Variants in NOS1AP observed in about 807,000 individuals in gnomAD.
NOS1AP encodes the protein carboxyl-terminal PDZ ligand of neuronal nitric oxide synthase protein.
NOS1AP carries 21 observed loss-of-function variants against 56.2 expected under a neutral mutation model. The observed-to-expected ratio is 0.37, with a 90% confidence interval of 0.26 to 0.54. NOS1AP has a LOEUF of 0.54. Among genes scored for constraint, NOS1AP ranks in the 20% least tolerant of loss-of-function variants. The probability of loss-of-function intolerance (pLI) is 0.84; values close to 1 mark genes in which losing one functional copy is unlikely to be tolerated. For missense variants in NOS1AP, 522 were observed against 657.8 expected (o/e 0.79, Z 2.26); for synonymous variants, 270 against 274.6 (o/e 0.98, Z 0.17).
At chr1:162,172,629 C>T (rs1211641604) in intron 2 of NOS1AP, among the ~76,000 whole-genome samples, 3 of 152,180 alleles carry the variant, frequency 2.0e-5, no homozygotes, top group Non-Finnish European at 2.9e-5. Flanking sequence ...TCATATATCA[C>T]TATTTTCTGT....
At chr1:162,255,369 T>C (rs1378889124) in intron 2 of NOS1AP, among the ~76,000 whole-genome samples, 1 of 152,168 alleles carries the variant, frequency 6.6e-6, no homozygotes, top group African/African-American at 2.4e-5. Flanking sequence ...TTCAGTGTCC[T>C]AGACTCTTCC....
At chr1:162,315,593 G>A (rs1348495719) in intron 4 of NOS1AP, among the ~76,000 whole-genome samples, 1 of 152,178 alleles carries the variant, frequency 6.6e-6, no homozygotes, top group Non-Finnish European at 1.5e-5. Context: ...TGGGAAAGAT[G>A]GAGTGGAAAA....
intron 1 of NOS1AP, among the ~76,000 whole-genome samples, chr1:162,114,091 T>A (rs964878025): frequency 1.3e-5 from 2 of 152,180 alleles, no homozygotes; most frequent in African/African-American, 4.8e-5. Flanking sequence ...GCACAGTGTT[T>A]GGATTATAAA....
At chr1:162,300,954 T>A (rs1655632018) in intron 4 of NOS1AP, among the ~76,000 whole-genome samples, 1 of 152,196 alleles carries the variant, frequency 6.6e-6, no homozygotes, top group Non-Finnish European at 1.5e-5. Flanking sequence ...AACCTCTCGG[T>A]TGTAATTGGA....
intron 1 of NOS1AP, among the ~76,000 whole-genome samples, chr1:162,117,349 T>G (rs1648007487): frequency 6.6e-6 from 1 of 152,196 alleles, no homozygotes; most frequent in South Asian, 2.1e-4. Flanking sequence ...GTCTGACACT[T>G]TAGTCTGACT....
At chr1:162,089,208 C>G (rs1375399808) in intron 1 of NOS1AP, among the ~76,000 whole-genome samples, 1 of 152,192 alleles carries the variant, frequency 6.6e-6, no homozygotes, top group Admixed American at 6.5e-5. Context: ...TGTAAACATA[C>G]TTGTGTGTTC....
chr1:162,331,156 C>G (rs1387880461), intron 4 of NOS1AP, among the ~76,000 whole-genome samples: 1 of 152,094 alleles, frequency 6.6e-6, no homozygotes, highest in Non-Finnish European at 1.5e-5. Context: ...GTTAGGAAGA[C>G]AGTTTGACAT....
chr1:162,261,509 A>AGAG (rs1654224520), intron 2 of NOS1AP, among the ~76,000 whole-genome samples: 2 of 15,140 alleles, frequency 1.3e-4, no homozygotes, highest in Non-Finnish European at 1.6e-4. Flanking sequence ...AGAGAGAGAG[A>AGAG]GAGAGAGAGA....
At chr1:162,270,169 A>T (rs1222856132) in intron 2 of NOS1AP, among the ~76,000 whole-genome samples, 1 of 152,184 alleles carries the variant, frequency 6.6e-6, no homozygotes, top group Non-Finnish European at 1.5e-5. Context: ...GCCTGGTATC[A>T]TAGTTACTTG....
Position 162,151,337 on chromosome 1 carries a change from C to T in NOS1AP, c.106-3068C>T, listed in dbSNP as rs764880599. ...TTGGTCTATGTGTCTGTTTTTATGC[C>T]AGTACCATGCTGTTTTGGTTACATG... On this transcript the variant is annotated intron_variant, in intron 1 of 9. Transcript: ENST00000361897. Among the ~76,000 whole-genome samples the T allele has an allele frequency of 9.2e-5, 14 of 152,122 alleles. 1 individual carries two copies. Among genetic ancestry groups the T allele is most frequent in the Admixed American group, 2.6e-4 (4 of 15,266 alleles).
At chr1:162,261,760 G>A (rs1368684567) in intron 2 of NOS1AP, among the ~76,000 whole-genome samples, 1 of 152,130 alleles carries the variant, frequency 6.6e-6, no homozygotes, top group Non-Finnish European at 1.5e-5. Context: ...ATAAGTTTGT[G>A]TTATTTTTAA....
chr1:162,101,878 A>T (rs937926105), intron 1 of NOS1AP, among the ~76,000 whole-genome samples: 1 of 152,180 alleles, frequency 6.6e-6, no homozygotes, highest in African/African-American at 2.4e-5. Flanking sequence ...GGATCATGTC[A>T]TCTGCAAACA....
At chr1:162,235,219 G>A (rs1653250417) in intron 2 of NOS1AP, among the ~76,000 whole-genome samples, 1 of 152,078 alleles carries the variant, frequency 6.6e-6, no homozygotes. Context: ...CCATAGAAGG[G>A]TTCACTCAGC....
chr1:162,141,730 A>T lies in NOS1AP; in HGVS notation c.106-12675A>T, dbSNP rs183944498. 3.9e-3 allele frequency among the ~76,000 whole-genome samples: 598 copies of T among 152,196 alleles called. 5 individuals carry two copies. Among genetic ancestry groups the T allele is most frequent in the African/African-American group, 0.014 (567 of 41,502 alleles). ...CGGGACTTAATTTCTCAGACTTTCTACTTCCCTTTAGCTTACTTGGATTAC... is the reference window on the plus strand; with the variant it reads ...CGGGACTTAATTTCTCAGACTTTCTTCTTCCCTTTAGCTTACTTGGATTAC... On this transcript the variant is annotated intron_variant, in intron 1 of 9. Transcript: ENST00000361897.
At chr1:162,183,420 T>C (rs1651327965) in intron 2 of NOS1AP, among the ~76,000 whole-genome samples, 1 of 152,198 alleles carries the variant, frequency 6.6e-6, no homozygotes, top group African/African-American at 2.4e-5. Context: ...GGCTTTAACT[T>C]AAAGTCACCA....
intron 4 of NOS1AP, among the ~76,000 whole-genome samples, chr1:162,324,238 C>T (rs1656509413): frequency 6.6e-6 from 1 of 152,040 alleles, no homozygotes; most frequent in Non-Finnish European, 1.5e-5. Context: ...CATGTATGAA[C>T]TCAGATAACA....
intron 1 of NOS1AP, among the ~76,000 whole-genome samples, chr1:162,134,004 C>G (rs1225526368): frequency 3.9e-5 from 6 of 152,070 alleles, no homozygotes; most frequent in African/African-American, 1.4e-4. Flanking sequence ...GAAGAGAAGA[C>G]TTTCCAAAAA....
intron 2 of NOS1AP, among the ~76,000 whole-genome samples, chr1:162,221,209 G>A (rs1652756777): frequency 6.6e-6 from 1 of 152,130 alleles, no homozygotes; most frequent in Non-Finnish European, 1.5e-5. Flanking sequence ...AAAGTGCTGG[G>A]ATTAAAGGCG....
chr1:162,346,718 TG>T (rs765346790), intron 6 of NOS1AP, among the ~76,000 whole-genome samples: 37 of 152,366 alleles, frequency 2.4e-4, no homozygotes, highest in South Asian at 2.3e-3. Context: ...TTATAAATCT[TG>T]AAAACCTGAC....
Sources: allele counts gnomAD v4.1 joint callset (sites outside exome capture counted in the v4.1 genomes callset), GRCh38; gene constraint gnomAD v4.1.1; transcripts MANE v1.5; gene names NCBI Gene and HGNC (gene_info 2026-07-23, HGNC 2026-07-21).